Variants in AGMO observed in about 807,000 individuals in gnomAD.
AGMO encodes the protein alkylglycerol monooxygenase, also known as glyceryl-ether monooxygenase.
In AGMO, 75 loss-of-function variants were observed where a neutral mutation model predicts 60.2. The observed-to-expected ratio is 1.25, with a 90% CI of 1.03 to 1.51. AGMO has a LOEUF of 1.51. AGMO is among the 40% of genes most tolerant of loss of function. The probability of loss-of-function intolerance (pLI) is 0.00; values close to 1 mark genes in which losing one functional copy is unlikely to be tolerated. For missense variants in AGMO, 763 were observed against 525.5 expected (o/e 1.45, Z -4.42); for synonymous variants, 261 against 177.1 (o/e 1.47, Z -3.76).
In AGMO at chr7:15,366,217, C is replaced by T. The variant is rs1416441554; in HGVS notation, c.1080G>A (p.Leu360=). 2 of 1,602,264 alleles carry T rather than the reference C, an allele frequency of 1.2e-6. No individual in the cohort carries two copies. Among genetic ancestry groups the T allele is most frequent in the African/African-American group, 1.3e-5 (1 of 74,178 alleles). Residue 360 remains leucine (L), a synonymous_variant, in exon 11 of 13, where the codon CTG becomes CTA. Coordinates refer to ENST00000342526, the MANE Select transcript of AGMO (RefSeq NM_001004320.2). The part of the protein sequence containing the change: ...YEETFADTAA[L]SQVTLLLRVC... ...CCCTCAGAAGGAGAGTAACTTGCGA[C>T]AGTGCCTGTCAAACAAACACGGAGA...
At position 15,538,993 on chromosome 7, in the gene AGMO, C is replaced by T. The variant is rs563693546; in HGVS notation, c.409+5779G>A. 9.2e-5 allele frequency among the ~76,000 whole-genome samples: 14 copies of T among 152,164 alleles called. No homozygotes were observed. The East Asian group carries it at 2.7e-3, about 29-fold the overall frequency. On this transcript the variant is annotated intron_variant, in intron 3 of 12. Coordinates refer to ENST00000342526, the MANE Select transcript of AGMO (RefSeq NM_001004320.2). ...AGGGGATATTATGGATTGCTTATTA[C>T]AACAGTTTTGGATGATGATCCTGCT...
chr7:15,304,085 G>A (rs1242279407), intron 12 of AGMO, among the ~76,000 whole-genome samples: 1 of 152,086 alleles, frequency 6.6e-6, no homozygotes, highest in African/African-American at 2.4e-5. Context: ...CCACGTCAAT[G>A]CCTTTATGCA....
chr7:15,333,348 A>T (rs1365144109), intron 12 of AGMO, among the ~76,000 whole-genome samples: 1 of 152,136 alleles, frequency 6.6e-6, no homozygotes, highest in African/African-American at 2.4e-5. Flanking sequence ...GAATTGGGAA[A>T]ATGTTTTTCT....
At chr7:15,389,304 G>GTGTC (rs1358608383) in intron 8 of AGMO, among the ~76,000 whole-genome samples, 6 of 102,212 alleles carry the variant, frequency 5.9e-5, no homozygotes, top group Non-Finnish European at 1.2e-4. Context: ...AGAGATGAAG[G>GTGTC]TGTCTCTTTT....
At chr7:15,249,958 T>C (rs1370481269) in intron 12 of AGMO, among the ~76,000 whole-genome samples, 4 of 152,230 alleles carry the variant, frequency 2.6e-5, no homozygotes, top group Admixed American at 2.6e-4. Context: ...TTAGAAACTA[T>C]TGTTTGATAA....
chr7:15,360,499 G>C (rs1250336634), intron 12 of AGMO, among the ~76,000 whole-genome samples: 1 of 152,140 alleles, frequency 6.6e-6, no homozygotes, highest in African/African-American at 2.4e-5. Flanking sequence ...CTAAAGAAAA[G>C]AAAATGTTAA....
intron 12 of AGMO, among the ~76,000 whole-genome samples, chr7:15,281,056 C>T (rs920849309): frequency 6.6e-6 from 1 of 152,110 alleles, no homozygotes; most frequent in Non-Finnish European, 1.5e-5. Context: ...GCTCTCAGGG[C>T]CTCCTACTCC....
intron 5 of AGMO, chr7:15,396,099 C>CTTTCCAT (rs1346111273): frequency 6.6e-6 from 1 of 152,246 alleles, no homozygotes; most frequent in Non-Finnish European, 1.5e-5. Context: ...GGGATTTCCA[C>CTTTCCAT]TTTCCATTTC....
intron 1 of AGMO, among the ~76,000 whole-genome samples, chr7:15,560,879 A>G (rs1484414022): frequency 6.6e-6 from 1 of 152,222 alleles, no homozygotes; most frequent in African/African-American, 2.4e-5. Flanking sequence ...TGGAGCATTG[A>G]ATTTGGTTTG....
At chr7:15,549,166 G>A (rs1171350757) in intron 2 of AGMO, among the ~76,000 whole-genome samples, 16 of 145,246 alleles carry the variant, frequency 1.1e-4, no homozygotes, top group Non-Finnish European at 1.9e-4. Context: ...CCTGAAGGAA[G>A]CGCTAAACAT....
At chr7:15,440,686 T>A (rs752492579) in intron 3 of AGMO, among the ~76,000 whole-genome samples, 8 of 152,174 alleles carry the variant, frequency 5.3e-5, no homozygotes, top group Non-Finnish European at 7.3e-5. Context: ...CACTTTATAG[T>A]CGTCATTCAA....
intron 3 of AGMO, among the ~76,000 whole-genome samples, chr7:15,432,351 CATATATAT>C (rs975380954): frequency 1.1e-4 from 8 of 70,906 alleles, no homozygotes; most frequent in African/African-American, 3.5e-4. Flanking sequence ...TATATACATA[CATATATAT>C]ATACACACAC....
At chr7:15,268,999 G>C (rs1783516932) in intron 12 of AGMO, among the ~76,000 whole-genome samples, 1 of 151,934 alleles carries the variant, frequency 6.6e-6, no homozygotes, top group Non-Finnish European at 1.5e-5. Flanking sequence ...GTTTTACAAT[G>C]GTTTAGCTTA....
chr7:15,324,674 G>A (rs931231345), intron 12 of AGMO, among the ~76,000 whole-genome samples: 2 of 152,112 alleles, frequency 1.3e-5, no homozygotes, highest in Non-Finnish European at 2.9e-5. Context: ...ATGGTGGGGG[G>A]CGGTGTCGGG....
At chr7:15,165,107 A>T in the AGMO span, among the ~76,000 whole-genome samples, 1 of 152,194 alleles carries the variant, frequency 6.6e-6, no homozygotes, top group Non-Finnish European at 1.5e-5. Flanking sequence ...GCGGGAGGCC[A>T]TTATTCCAAG....
chr7:15,380,111 C>A (rs1456315692), intron 10 of AGMO, among the ~76,000 whole-genome samples: 1 of 152,032 alleles, frequency 6.6e-6, no homozygotes, highest in Non-Finnish European at 1.5e-5. Context: ...GACAAGTATG[C>A]CCTCCGTCTC....
chr7:15,339,656 G>C (rs1331350381), intron 12 of AGMO, among the ~76,000 whole-genome samples: 1 of 152,096 alleles, frequency 6.6e-6, no homozygotes, highest in Admixed American at 6.6e-5. Flanking sequence ...TATATAGACT[G>C]TTTACAGTAT....
At position 15,201,118 on chromosome 7, in the gene AGMO, T is replaced by C. The variant is rs908141194; in HGVS notation, c.*167A>G. 1.3e-5 allele frequency: 6 copies of C among 454,992 alleles called. No individual in the cohort carries two copies. Among genetic ancestry groups the C allele is most frequent in the African/African-American group, 1.0e-4 (5 of 49,316 alleles). The allele number at this position is 454,992 out of a possible 1,614,324, so 28.2% of individuals were successfully genotyped here. A position where few individuals can be genotyped will look rare whatever the true frequency, so the allele number is the denominator to read the frequency against. ...AACCAAAACTGACTTTAATTTTTAA[T>C]AGAAAATAACAAATGTGAAAGGCAA... On this transcript the variant is annotated 3_prime_UTR_variant, in exon 13 of 13. Coordinates refer to ENST00000342526, the MANE Select transcript of AGMO (RefSeq NM_001004320.2).
At chr7:15,153,936 A>G in the AGMO span, among the ~76,000 whole-genome samples, 6 of 152,068 alleles carry the variant, frequency 3.9e-5, no homozygotes, top group Non-Finnish European at 1.5e-5. Context: ...ACTTTTGGCA[A>G]TACAGTCATT....
Sources: gnomAD v4.1 joint callset for allele counts (sites outside exome capture counted in the v4.1 genomes callset) on GRCh38, gnomAD v4.1.1 for gene constraint, MANE v1.5 for transcripts, NCBI Gene and HGNC (gene_info 2026-07-23, HGNC 2026-07-21) for gene names.